STARD3: variants seen among roughly 807,000 people sequenced by gnomAD.
The protein encoded by STARD3 is stAR-related lipid transfer protein 3.
In STARD3, 39 loss-of-function variants were observed where a neutral mutation model predicts 62.0. The observed-to-expected ratio is 0.63, with a 90% CI of 0.49 to 0.82. STARD3 has a LOEUF of 0.82. Among genes scored for constraint, STARD3 ranks in the 40% least tolerant of loss-of-function variants. The pLI is 0.00. For synonymous variants in STARD3, 229 were observed against 242.4 expected, an observed-to-expected ratio of 0.94 and a Z score of 0.51; for missense variants, 543 against 584.5, an observed-to-expected ratio of 0.93 and a Z score of 0.73.
At chr17:39,646,209 T>C (rs538207600) in intron 1 of STARD3, among the ~76,000 whole-genome samples, 1 of 152,196 alleles carries the variant, frequency 6.6e-6, no homozygotes, top group South Asian at 2.1e-4. Flanking sequence ...TTTCTTGTCA[T>C]GGTAAAATAT....
chr17:39,659,608 C>G, intron 9 of STARD3, 55 bp downstream of exon 9: 1 of 1,571,954 alleles, frequency 6.4e-7, no homozygotes, highest in Non-Finnish European at 8.7e-7. Flanking sequence ...TTTCTGTTCT[C>G]TTTTCTGAGG....
chr17:39,660,246 C>G lies in STARD3; in HGVS notation c.831C>G (p.Pro277=), dbSNP rs2057180439. The G allele has an allele frequency of 6.2e-6, 10 of 1,614,134 alleles. No individual in the cohort carries two copies. The highest frequency in any genetic ancestry group is 8.5e-6 in the Non-Finnish European group (10 of 1,180,040). The change falls in exon 10 of 15, where the codon CCC becomes CCG. Residue 277 remains proline, a synonymous_variant. Coordinates refer to ENST00000336308, the MANE Select transcript of STARD3 (RefSeq NM_006804.4). This position sits in a 1 kb window ranked among gnomAD's most constrained non-coding sequence, Gnocchi z 4.8. ...ACACCGTGTACACCATTGAAGTTCC[C>G]TTTCACGGCAAGACGTTTATCCTGA... ...YGDTVYTIEV[P]FHGKTFILKT...
chr17:39,653,626 T>C lies in STARD3; in HGVS notation c.95T>C (p.Leu32Pro), dbSNP rs1555604885. 6.8e-6 allele frequency: 11 copies of C among 1,613,534 alleles called. No homozygotes were observed. ...TCCTCACTGTCCCACAGCCAGAGCC[T>C]CTCCTCGCACCTCCTTCCGCCGCCT... ...LGSSLSHSQS[L>P]SSHLLPPPEK... Residue 32 changes from leucine (L) to proline (P), a missense_variant, in exon 2 of 15, where the codon CTC becomes CCC. By Grantham distance (98) the Leu-to-Pro change is moderately conservative. Transcript: ENST00000336308.
chr17:39,659,181 G>C (rs2057166724), intron 8 of STARD3, 75 bp downstream of exon 8: 1 of 1,573,536 alleles, frequency 6.4e-7, no homozygotes, highest in South Asian at 1.1e-5. Flanking sequence ...GGGTCAGCCG[G>C]GGTGGGCAGG....
intron 1 of STARD3, among the ~76,000 whole-genome samples, chr17:39,644,005 C>T (rs2057002991): frequency 6.6e-6 from 1 of 152,186 alleles, no homozygotes; most frequent in African/African-American, 2.4e-5. Flanking sequence ...GGTGTGGAGT[C>T]CAGTTCTCTC....
rs1225277263 is a variant in STARD3 at position 39,660,308 on chromosome 17, A to G, written c.858+35A>G. 1 of 1,613,526 alleles carries G rather than the reference A, an allele frequency of 6.2e-7. No individual in the cohort carries two copies. Among genetic ancestry groups the G allele is most frequent in the South Asian group, 1.1e-5 (1 of 91,064 alleles). On this transcript the variant is annotated intron_variant, in intron 10 of 14. Transcript: ENST00000336308. The surrounding 1 kb of genome is among the most constrained non-coding windows in gnomAD (Gnocchi z 4.8). Reference sequence around the variant, plus strand: ...GGGAGCGGGTGTCCTGGAGCCCCAGACAGCACAGGAGGCTCCAGGAAGGTG... The same window carrying G: ...GGGAGCGGGTGTCCTGGAGCCCCAGGCAGCACAGGAGGCTCCAGGAAGGTG...
intron 6 of STARD3, 55 bp downstream of exon 6, chr17:39,658,577 G>T: frequency 6.3e-7 from 1 of 1,576,084 alleles, no homozygotes. Flanking sequence ...CCCCAAGAGA[G>T]GGGAGTTGCG....
intron 1 of STARD3, among the ~76,000 whole-genome samples, chr17:39,647,583 C>T (rs1375552147): frequency 6.6e-6 from 1 of 152,170 alleles, no homozygotes; most frequent in African/African-American, 2.4e-5. Context: ...CTGCACAGGG[C>T]AGTTCCACGC....
rs954474892 is a variant in STARD3, at chr17:39,653,658, C to G, written c.127C>G (p.Arg43Gly). ...SSHLLPPPEK[R>G]RAISDVRRTF... ...GCACCTCCTTCCGCCGCCTGAGAAG[C>G]GAAGGGCCATCTCTGATGTCCGCCG... is the stretch of plus-strand genomic sequence containing the variant. The change falls in exon 2 of 15, where the codon CGA becomes GGA. Residue 43 changes from arginine (R) to glycine (G), a missense_variant. Physicochemically the swap from Arg to Gly is moderately radical, Grantham distance 125. Transcript: ENST00000336308. 1.8e-5 allele frequency: 29 copies of G among 1,614,022 alleles called. No individual in the cohort carries two copies. The highest frequency in any genetic ancestry group is 2.3e-5 in the Non-Finnish European group (27 of 1,180,042).
At chr17:39,646,409 C>A (rs1485568711) in intron 1 of STARD3, among the ~76,000 whole-genome samples, 1 of 152,058 alleles carries the variant, frequency 6.6e-6, no homozygotes, top group African/African-American at 2.4e-5. Context: ...TGTGTTACCA[C>A]GCCTGGCAAA....
intron 1 of STARD3, among the ~76,000 whole-genome samples, chr17:39,641,436 C>T (rs902360596): frequency 1.3e-5 from 2 of 151,560 alleles, no homozygotes; most frequent in Admixed American, 1.3e-4. Context: ...AGTCTGGCAA[C>T]ATAGTGAGAC....
chr17:39,658,936 C>G (rs1285281369), intron 7 of STARD3, 115 bp from the exon 8 acceptor site: 1 of 1,553,236 alleles, frequency 6.4e-7, no homozygotes, highest in Non-Finnish European at 8.9e-7. Flanking sequence ...AGCCAGCAAC[C>G]CTCTCCCACA....
chr17:39,662,937 G>C lies in STARD3; in HGVS notation c.*29G>C. On this transcript the variant is annotated 3_prime_UTR_variant, in exon 15 of 15. Transcript: ENST00000336308. ...TGCCCCCTCCCACCCTGCGGGCCAG[G>C]GTCCTGTCGCCACCACTTCCAGAGC... The C allele has an allele frequency of 1.9e-6, 3 of 1,588,330 alleles. No homozygotes were observed.
intron 1 of STARD3, among the ~76,000 whole-genome samples, chr17:39,644,043 C>G (rs1276112255): frequency 2.0e-5 from 3 of 152,164 alleles, no homozygotes; most frequent in African/African-American, 7.2e-5. Flanking sequence ...CTGATTTGTG[C>G]TGAGTTAGGG....
At chr17:39,640,413 C>T (rs1350635199) in intron 1 of STARD3, among the ~76,000 whole-genome samples, 6 of 152,174 alleles carry the variant, frequency 3.9e-5, no homozygotes, top group Admixed American at 2.0e-4. Context: ...AGAAAAGTGT[C>T]CCTTTTTCTG....
chr17:39,646,441 C>T (rs533129355), intron 1 of STARD3, among the ~76,000 whole-genome samples: 6 of 152,060 alleles, frequency 3.9e-5, no homozygotes, highest in East Asian at 3.9e-4. Flanking sequence ...TTTGTAGAGA[C>T]GGGGCTTTGT....
chr17:39,658,987 C>G (rs1297900104), intron 7 of STARD3, 64 bp from the exon 8 acceptor site: 1 of 1,605,156 alleles, frequency 6.2e-7, no homozygotes, highest in South Asian at 1.1e-5. Context: ...ATACCCGAAC[C>G]CCACTACCTC....
intron 1 of STARD3, among the ~76,000 whole-genome samples, chr17:39,641,197 A>T (rs376345623): frequency 6.6e-5 from 10 of 152,306 alleles, no homozygotes; most frequent in African/African-American, 2.2e-4. Context: ...TCCAGGGTGG[A>T]CATTACGGAT....
Position 39,653,477 on chromosome 17 carries a change from C to G in STARD3, c.-51-4C>G. ...ACAGGACTCTGCCTCTGCCTCGCCC[C>G]CAGCCCTGCTGCTGAGGCCGCGCCC... On this transcript the variant is annotated splice_region_variant and splice_polypyrimidine_tract_variant and intron_variant, in intron 1 of 14. Coordinates refer to ENST00000336308, the MANE Select transcript of STARD3 (RefSeq NM_006804.4). 2 of 1,576,848 alleles carry G rather than the reference C, an allele frequency of 1.3e-6. No homozygotes were observed. Among genetic ancestry groups the G allele is most frequent in the Non-Finnish European group, 1.7e-6 (2 of 1,164,914 alleles).
Sources: gnomAD v4.1 joint callset for allele counts (sites outside exome capture counted in the v4.1 genomes callset) on GRCh38, gnomAD v4.1.1 for gene constraint, Gnocchi (gnomAD v3.1) non-coding constraint, MANE v1.5 for transcripts, NCBI Gene and HGNC (gene_info 2026-07-23, HGNC 2026-07-21) for gene names.